SEMA6D: variants seen among roughly 807,000 people sequenced by gnomAD.
SEMA6D encodes semaphorin-6D.
SEMA6D carries 35 observed loss-of-function variants against 106.6 expected under a neutral mutation model. That is an observed-to-expected ratio of 0.33 (90% CI 0.25 to 0.44). The LOEUF (loss-of-function observed/expected upper bound fraction) is 0.44. Among genes scored for constraint, SEMA6D ranks in the 20% least tolerant of loss-of-function variants. SEMA6D has a pLI of 1.00. For missense variants in SEMA6D, 1,185 were observed against 1,345.9 expected, an observed-to-expected ratio of 0.88 and a Z score of 1.87; for synonymous variants, 499 against 487.7, an observed-to-expected ratio of 1.02 and a Z score of -0.31.
At chr15:47,380,846 G>A (rs763453881) in intron 1 of SEMA6D, among the ~76,000 whole-genome samples, 7 of 152,154 alleles carry the variant, frequency 4.6e-5, no homozygotes, top group Non-Finnish European at 8.8e-5. Context: ...AATGATGAAG[G>A]CAGGCTCAAA....
At chr15:47,276,676 G>C (rs1419721955) in intron 1 of SEMA6D, among the ~76,000 whole-genome samples, 1 of 152,116 alleles carries the variant, frequency 6.6e-6, no homozygotes, top group African/African-American at 2.4e-5. Flanking sequence ...AGTCACCCAA[G>C]AGCTCAGATG....
At chr15:47,729,994 T>C in intron 1 of SEMA6D, 2 of 504,264 alleles carry the variant, frequency 4.0e-6, no homozygotes, top group South Asian at 5.1e-5. Context: ...AGAGAGTCTA[T>C]ATGACCTCCA....
In SEMA6D at chr15:47,424,421, G is replaced by A. The variant is rs548686429; in HGVS notation, c.-159+11949G>A. On this transcript the variant is annotated intron_variant, in intron 2 of 19. Transcript: ENST00000558014. ...TCAATTGCTTCTATAGATCAGTTAT[G>A]ATGAAATAAAACAGATTTTAATGAA... 2.0e-5 allele frequency among the ~76,000 whole-genome samples: 3 copies of A among 152,108 alleles called. 1 individual carries two copies. The South Asian group carries it at 6.2e-4, about 32-fold the overall frequency.
intron 2 of SEMA6D, among the ~76,000 whole-genome samples, chr15:47,425,696 A>G (rs1406662916): frequency 6.8e-6 from 1 of 146,994 alleles, no homozygotes; most frequent in Non-Finnish European, 1.5e-5. Context: ...TTTGAGACAG[A>G]GTTTCACTCT....
At chr15:47,401,357 A>C (rs397106) in intron 1 of SEMA6D, among the ~76,000 whole-genome samples, 95,438 of 151,700 alleles carry the variant, frequency 0.63, 30,400 homozygotes, top group Middle Eastern at 0.72. Context: ...CTTTAATCCC[A>C]AAAACAATCA....
rs1415752706 is a variant in SEMA6D at position 47,540,841 on chromosome 15, AG to A, written c.-86-60023del. Among the ~76,000 whole-genome samples the A allele has an allele frequency of 1.2e-4, 18 of 152,188 alleles. 1 individual carries two copies. The highest frequency in any genetic ancestry group is 8.5e-4 in the Admixed American group (13 of 15,262). On this transcript the variant is annotated intron_variant, in intron 3 of 19. Transcript: ENST00000558014. Reference sequence around the variant, plus strand: ...AGAGTGTCCCAGGTGGCCAAGAGTCAGAGTGGGGAGCACATTTCAGACAGAG... The same window carrying A: ...AGAGTGTCCCAGGTGGCCAAGAGTCAAGTGGGGAGCACATTTCAGACAGAG...
At chr15:47,652,544 G>A (rs2077712007) in intron 4 of SEMA6D, among the ~76,000 whole-genome samples, 1 of 152,110 alleles carries the variant, frequency 6.6e-6, no homozygotes, top group Admixed American at 6.6e-5. Context: ...TGTAACTGTG[G>A]AATGGTGTAG....
intron 3 of SEMA6D, among the ~76,000 whole-genome samples, chr15:47,599,447 C>T (rs200432470): frequency 0.02 from 1,063 of 53,514 alleles, 5 homozygotes; most frequent in Admixed American, 0.046. Context: ...GTCTGCCTTA[C>T]GCTTTTTTTT....
upstream of SEMA6D, among the ~76,000 whole-genome samples, chr15:47,713,311 T>G (rs966780833): frequency 6.6e-6 from 1 of 152,174 alleles, no homozygotes; most frequent in Non-Finnish European, 1.5e-5. Context: ...ACTGCTGTGG[T>G]GGTATACTAT....
chr15:47,688,250 C>CTTGAAGCTGA (rs2078511778), intron 4 of SEMA6D, among the ~76,000 whole-genome samples: 2 of 152,030 alleles, frequency 1.3e-5, no homozygotes, highest in Non-Finnish European at 2.9e-5. Flanking sequence ...TTGTATTCTC[C>CTTGAAGCTGA]TTGAAGCTGA....
At chr15:47,355,134 G>C (rs912988088) in intron 1 of SEMA6D, among the ~76,000 whole-genome samples, 2 of 146,636 alleles carry the variant, frequency 1.4e-5, no homozygotes, top group African/African-American at 2.6e-5. Context: ...ATGTTCAAGT[G>C]GTAGAGAAAA....
At chr15:47,365,923 G>GAA (rs2039009231) in intron 1 of SEMA6D, among the ~76,000 whole-genome samples, 32 of 128,256 alleles carry the variant, frequency 2.5e-4, no homozygotes, top group Admixed American at 2.1e-3. Context: ...GAGAGAGAGA[G>GAA]AAAAGAAAGA....
chr15:47,726,102 G>A (rs2079733920), intron 1 of SEMA6D, among the ~76,000 whole-genome samples: 1 of 152,214 alleles, frequency 6.6e-6, no homozygotes, highest in African/African-American at 2.4e-5. Context: ...TGAAGCGAAG[G>A]GCAAGCTGCC....
intron 3 of SEMA6D, among the ~76,000 whole-genome samples, chr15:47,500,762 A>T (rs2043820572): frequency 6.6e-6 from 1 of 151,952 alleles, no homozygotes. Flanking sequence ...ACTAATAGAT[A>T]AAAAAATAGT....
chr15:47,543,851 A>G (rs77371654), intron 3 of SEMA6D, among the ~76,000 whole-genome samples: 1 of 151,984 alleles, frequency 6.6e-6, no homozygotes, highest in Non-Finnish European at 1.5e-5. Flanking sequence ...GAGAAAAAAA[A>G]CCCTTTATTC....
chr15:47,334,476 G>T (rs916873961), intron 1 of SEMA6D, among the ~76,000 whole-genome samples: 3 of 152,086 alleles, frequency 2.0e-5, no homozygotes, highest in African/African-American at 7.2e-5. Context: ...ACTGTCTCCA[G>T]GTAGATAGTG....
In SEMA6D at chr15:47,633,833, A is replaced by G. The variant is rs141850017; in HGVS notation, c.-55+32937A>G. Among the ~76,000 whole-genome samples, 70 of 152,114 alleles carry G rather than the reference A, an allele frequency of 4.6e-4. 1 individual carries two copies. Among genetic ancestry groups the G allele is most frequent in the African/African-American group, 1.5e-3 (61 of 41,500 alleles). ...AATTTTTTCAGTGCATTTTCTCTCT[A>G]TTGTTCAAATTAGGTAAACTCTATT... On this transcript the variant is annotated intron_variant, in intron 4 of 19. Transcript: ENST00000558014.
intron 3 of SEMA6D, among the ~76,000 whole-genome samples, chr15:47,547,307 A>G (rs2045554276): frequency 6.6e-6 from 1 of 152,144 alleles, no homozygotes; most frequent in African/African-American, 2.4e-5. Context: ...AACGGTAGCA[A>G]CACCACCATC....
At chr15:47,611,195 A>G (rs1356903427) in intron 4 of SEMA6D, among the ~76,000 whole-genome samples, 1 of 151,828 alleles carries the variant, frequency 6.6e-6, no homozygotes, top group Non-Finnish European at 1.5e-5. Flanking sequence ...ACGCATGCAC[A>G]CAAGCACACA....
Sources: gnomAD v4.1 joint callset for allele counts (sites outside exome capture counted in the v4.1 genomes callset) on GRCh38, gnomAD v4.1.1 for gene constraint, MANE v1.5 for transcripts, NCBI Gene and HGNC (gene_info 2026-07-23, HGNC 2026-07-21) for gene names.